MTUS2: variants seen among roughly 807,000 people sequenced by gnomAD.
MTUS2 encodes microtubule associated scaffold protein 2.
A neutral mutation model predicts 114.1 loss-of-function variants in MTUS2; 40 were observed. The ratio of observed to expected loss-of-function variants is 0.35; its 90% CI spans 0.27 to 0.46. The LOEUF is 0.46. Ranked by LOEUF, MTUS2 falls within the 20% of genes least tolerant of loss-of-function variation. The pLI is 1.00. For missense variants in MTUS2, 1,679 were observed against 1,705.4 expected (o/e 0.98, Z 0.27); for synonymous variants, 688 against 672.0 (o/e 1.02, Z -0.37).
intron 6 of MTUS2, among the ~76,000 whole-genome samples, chr13:29,287,592 TA>T (rs575615779): frequency 6.6e-6 from 1 of 152,310 alleles, no homozygotes; most frequent in South Asian, 2.1e-4. Flanking sequence ...TTTAACTCTG[TA>T]AACTTGCTTG....
chr13:29,032,480 A>G (rs1886873142), intron 3 of MTUS2, among the ~76,000 whole-genome samples: 1 of 152,232 alleles, frequency 6.6e-6, no homozygotes, highest in African/African-American at 2.4e-5. Flanking sequence ...AAAAAAGGGT[A>G]TATATGAGAA....
At chr13:29,143,928 G>T (rs1048466085) in intron 5 of MTUS2, among the ~76,000 whole-genome samples, 2 of 152,174 alleles carry the variant, frequency 1.3e-5, no homozygotes, top group Admixed American at 6.5e-5. Flanking sequence ...ATGTGTCATG[G>T]TGCTTAACAC....
intron 5 of MTUS2, among the ~76,000 whole-genome samples, chr13:29,124,436 G>A (rs1181738662): frequency 6.6e-6 from 1 of 152,108 alleles, no homozygotes; most frequent in Non-Finnish European, 1.5e-5. Context: ...AAAATAACAA[G>A]TGTTGGTGAG....
At chr13:29,042,009 A>G (rs543569045) in intron 4 of MTUS2, among the ~76,000 whole-genome samples, 1 of 152,286 alleles carries the variant, frequency 6.6e-6, no homozygotes, top group African/African-American at 2.4e-5. Flanking sequence ...TATGTTGAAG[A>G]GAAGTGGTGA....
intron 6 of MTUS2, chr13:29,307,066 G>A (rs1171073176): frequency 6.1e-6 from 3 of 493,228 alleles, no homozygotes; most frequent in South Asian, 1.6e-5. Context: ...GTACAGTGTG[G>A]AGTCCACCAG....
At chr13:29,500,027 TG>T (rs916099268) in intron 14 of MTUS2, among the ~76,000 whole-genome samples, 1 of 152,196 alleles carries the variant, frequency 6.6e-6, no homozygotes, top group Non-Finnish European at 1.5e-5. Flanking sequence ...CTTGCCAGTG[TG>T]GGGACCAGCT....
intron 6 of MTUS2, among the ~76,000 whole-genome samples, chr13:29,286,637 A>G (rs1898491299): frequency 7.4e-6 from 1 of 135,242 alleles, no homozygotes; most frequent in African/African-American, 2.9e-5. Context: ...TCTGAAAGCC[A>G]TGCACTATCT....
At chr13:29,233,698 T>G (rs1896424924) in intron 5 of MTUS2, among the ~76,000 whole-genome samples, 1 of 152,180 alleles carries the variant, frequency 6.6e-6, no homozygotes. Context: ...AGTTGCTATT[T>G]CCAGGGAAAC....
intron 5 of MTUS2, among the ~76,000 whole-genome samples, chr13:29,202,990 G>C (rs912538423): frequency 6.6e-5 from 10 of 152,188 alleles, no homozygotes; most frequent in Admixed American, 2.6e-4. Flanking sequence ...CGGGGGTCAG[G>C]GACCCCCTGA....
intron 5 of MTUS2, among the ~76,000 whole-genome samples, chr13:29,189,090 G>A (rs142011420): frequency 4.6e-5 from 7 of 152,330 alleles, no homozygotes; most frequent in African/African-American, 9.6e-5. Flanking sequence ...GCAGGGCAGA[G>A]CTCAGGAATT....
chr13:28,996,249 C>A (rs1885098104), intron 2 of MTUS2, among the ~76,000 whole-genome samples: 1 of 152,126 alleles, frequency 6.6e-6, no homozygotes, highest in African/African-American at 2.4e-5. Context: ...GGATGAAGCC[C>A]ACTTGATCAT....
chr13:28,997,050 C>A (rs1885146119), intron 2 of MTUS2, among the ~76,000 whole-genome samples: 1 of 152,332 alleles, frequency 6.6e-6, no homozygotes, highest in South Asian at 2.1e-4. Flanking sequence ...AAATTTCCCT[C>A]CACACACTGC....
intron 1 of MTUS2, among the ~76,000 whole-genome samples, chr13:28,827,374 C>T (rs566522163): frequency 3.2e-4 from 49 of 152,106 alleles, no homozygotes; most frequent in African/African-American, 1.2e-3. Context: ...AGCTAATTTG[C>T]CACTACTAGC....
chr13:29,148,481 T>C lies in MTUS2; in HGVS notation c.2644+47511T>C, dbSNP rs1271154251. 5.4e-5 allele frequency among the ~76,000 whole-genome samples: 3 copies of C among 55,584 alleles called. 1 individual carries two copies. Among genetic ancestry groups the C allele is most frequent in the Admixed American group, 4.6e-4 (2 of 4,312 alleles). The allele number at this position is 55,584 out of a possible 152,430, so 36.5% of individuals were successfully genotyped here. On this transcript the variant is annotated intron_variant, in intron 5 of 15. Transcript: ENST00000612955. ...TGCTGTGTTTGGTTTTCTTTTTTTTTTTTTTTTTTTTTTTTGAGACGGAGT... is the reference window on the plus strand; with the variant it reads ...TGCTGTGTTTGGTTTTCTTTTTTTTCTTTTTTTTTTTTTTTGAGACGGAGT...
intron 7 of MTUS2, among the ~76,000 whole-genome samples, chr13:29,350,211 T>C (rs1176647541): frequency 3.3e-5 from 5 of 152,076 alleles, no homozygotes; most frequent in African/African-American, 1.2e-4. Flanking sequence ...TTGAATTCTC[T>C]GCTCAAATTA....
At chr13:28,860,824 T>C (rs1403305798) in intron 2 of MTUS2, among the ~76,000 whole-genome samples, 1 of 152,226 alleles carries the variant, frequency 6.6e-6, no homozygotes, top group Non-Finnish European at 1.5e-5. Context: ...TGGTACAGTG[T>C]GACAGTGTAT....
At chr13:29,129,347 T>G (rs1356893624) in intron 5 of MTUS2, among the ~76,000 whole-genome samples, 2 of 152,134 alleles carry the variant, frequency 1.3e-5, no homozygotes, top group East Asian at 3.9e-4. Flanking sequence ...CATAATTGCA[T>G]TTATAAAACG....
chr13:28,990,739 C>G (rs751698845), intron 2 of MTUS2, among the ~76,000 whole-genome samples: 12 of 152,240 alleles, frequency 7.9e-5, no homozygotes, highest in Non-Finnish European at 1.3e-4. Context: ...CCCCAGCCAA[C>G]AGCGGCAACC....
In MTUS2 at chr13:29,134,089, A is replaced by G. The variant is rs541247946; in HGVS notation, c.2644+33119A>G. Among the ~76,000 whole-genome samples the G allele has an allele frequency of 1.3e-4, 19 of 151,380 alleles. No homozygotes were observed. The South Asian group carries it at 3.3e-3, about 27-fold the overall frequency. On this transcript the variant is annotated intron_variant, in intron 5 of 15. Transcript: ENST00000612955. ...CTAAGTCTTGTTATGTTGTATTTTT[A>G]TTTTTTTTGTCTCTATTTATTTTCT...
Sources: gnomAD v4.1 joint callset for allele counts (sites outside exome capture counted in the v4.1 genomes callset) on GRCh38, gnomAD v4.1.1 for gene constraint, MANE v1.5 for transcripts, NCBI Gene and HGNC (gene_info 2026-07-23, HGNC 2026-07-21) for gene names.